ARHGAP8: variants seen among roughly 807,000 people sequenced by gnomAD.
ARHGAP8 encodes Rho GTPase activating protein 8, also known as rho GTPase-activating protein 8.
In ARHGAP8, 62 loss-of-function variants were observed where a neutral mutation model predicts 46.1. The ratio of observed to expected loss-of-function variants is 1.34; its 90% CI spans 1.10 to 1.66. ARHGAP8 has a LOEUF of 1.66. Among genes scored for constraint, ARHGAP8 ranks in the 40% most tolerant of loss-of-function variants. The probability of loss-of-function intolerance (pLI) is 0.00; values close to 1 mark genes in which losing one functional copy is unlikely to be tolerated. For missense variants in ARHGAP8, 923 were observed against 568.4 expected (o/e 1.62, Z -6.34); for synonymous variants, 375 against 243.1 (o/e 1.54, Z -5.05).
intron 7 of ARHGAP8, among the ~76,000 whole-genome samples, chr22:44,833,097 T>TTTTC (rs761765911): frequency 0.011 from 954 of 87,130 alleles, 11 homozygotes; most frequent in African/African-American, 0.033. Context: ...TTTTCTTTTC[T>TTTTC]TTTTTTTTTT....
chr22:44,771,096 T>A (rs551579300), intron 1 of ARHGAP8, among the ~76,000 whole-genome samples: 53 of 152,308 alleles, frequency 3.5e-4, no homozygotes, highest in African/African-American at 1.3e-3. Context: ...ATTTTCAGTT[T>A]GTTCTTTGTT....
At chr22:44,836,086 A>G (rs537281823) in intron 7 of ARHGAP8, among the ~76,000 whole-genome samples, 1 of 152,242 alleles carries the variant, frequency 6.6e-6, no homozygotes, top group Admixed American at 6.5e-5. Flanking sequence ...GCAGTTTCTC[A>G]TTCCCCATCT....
At chr22:44,831,060 AC>A (rs1402270177) in intron 7 of ARHGAP8, among the ~76,000 whole-genome samples, 3 of 152,060 alleles carry the variant, frequency 2.0e-5, no homozygotes, top group African/African-American at 7.2e-5. Flanking sequence ...TATATGCTAG[AC>A]CCTAGGCCCT....
chr22:44,771,103 T>A (rs1322824244), intron 1 of ARHGAP8, among the ~76,000 whole-genome samples: 1 of 152,220 alleles, frequency 6.6e-6, no homozygotes, highest in African/African-American at 2.4e-5. Context: ...GTTTGTTCTT[T>A]GTTGGCATAT....
chr22:44,811,321 G>C (rs913391471), intron 4 of ARHGAP8, among the ~76,000 whole-genome samples: 1 of 152,258 alleles, frequency 6.6e-6, no homozygotes, highest in African/African-American at 2.4e-5. Context: ...GCACCAGCCC[G>C]GGGAAGGAGG....
At chr22:44,767,975 G>A (rs915519354) in intron 1 of ARHGAP8, among the ~76,000 whole-genome samples, 2 of 118,516 alleles carry the variant, frequency 1.7e-5, no homozygotes, top group Admixed American at 9.5e-5. Context: ...TTTCCTCCCC[G>A]CATGATGTCT....
intron 6 of ARHGAP8, 74 bp from the exon 7 acceptor site, chr22:44,825,409 C>T (rs1930436734): frequency 6.7e-7 from 1 of 1,494,562 alleles, no homozygotes. Flanking sequence ...GTGGGGCATC[C>T]AGCCCCACCC....
chr22:44,801,353 C>A (rs1366006143), intron 2 of ARHGAP8, among the ~76,000 whole-genome samples: 1 of 110,554 alleles, frequency 9.0e-6, no homozygotes, highest in African/African-American at 3.8e-5. Flanking sequence ...CCTCTCCCCG[C>A]AGCTGTCTAT....
intron 10 of ARHGAP8, among the ~76,000 whole-genome samples, chr22:44,858,082 T>C (rs1379296650): frequency 6.6e-6 from 1 of 152,230 alleles, no homozygotes; most frequent in Non-Finnish European, 1.5e-5. Context: ...TCCTTGTCCA[T>C]TCAAATGACT....
chr22:44,843,131 C>A (rs1931760692), intron 7 of ARHGAP8, among the ~76,000 whole-genome samples: 1 of 152,212 alleles, frequency 6.6e-6, no homozygotes, highest in Non-Finnish European at 1.5e-5. Context: ...CTCTGGACCC[C>A]TTTTCCTTAT....
chr22:44,817,108 G>C (rs563372034), intron 5 of ARHGAP8, among the ~76,000 whole-genome samples: 1 of 151,172 alleles, frequency 6.6e-6, no homozygotes, highest in Non-Finnish European at 1.5e-5. Context: ...CTGGTCTCAA[G>C]CTCCTGACCT....
At chr22:44,827,327 T>G (rs2147125744) in intron 7 of ARHGAP8, among the ~76,000 whole-genome samples, 1 of 132,090 alleles carries the variant, frequency 7.6e-6, no homozygotes, top group Non-Finnish European at 1.6e-5. Flanking sequence ...ATAATACATT[T>G]GGGTGGTGGT....
chr22:44,780,294 C>G (rs1926747774), intron 1 of ARHGAP8, among the ~76,000 whole-genome samples: 1 of 151,634 alleles, frequency 6.6e-6, no homozygotes, highest in Non-Finnish European at 1.5e-5. Context: ...GAGGCCAAGG[C>G]TGCAGTGAGC....
At chr22:44,803,194 G>A (rs952893097) in intron 3 of ARHGAP8, among the ~76,000 whole-genome samples, 1 of 152,166 alleles carries the variant, frequency 6.6e-6, no homozygotes. Context: ...GGGGCCGAGT[G>A]AGGGGGTGCC....
Position 44,862,733 on chromosome 22 carries a change from G to A in ARHGAP8, c.*138G>A, listed in dbSNP as rs572697659. On this transcript the variant is annotated 3_prime_UTR_variant, in exon 12 of 12. Transcript: ENST00000356099. The stretch of plus-strand genomic sequence containing the variant: ...CTTCTAATGAAAACTCCATGCCTCT[G>A]GTCCTTGGACTCTTGTCCATGGTTC... 264 of 1,077,350 alleles carry A rather than the reference G, an allele frequency of 2.5e-4. No individual in the cohort carries two copies. The highest frequency in any genetic ancestry group is 5.0e-4 in the East Asian group (19 of 38,300). The allele number at this position is 1,077,350 out of a possible 1,614,324, so 66.7% of individuals were successfully genotyped here. A position where few individuals can be genotyped will look rare whatever the true frequency, so the allele number is the denominator to read the frequency against.
At chr22:44,783,010 G>T (rs753671829) in intron 1 of ARHGAP8, among the ~76,000 whole-genome samples, 1 of 151,838 alleles carries the variant, frequency 6.6e-6, no homozygotes. Context: ...GATGGTTCCC[G>T]CAGTGGGCCT....
chr22:44,838,741 G>C (rs917206200), intron 7 of ARHGAP8, among the ~76,000 whole-genome samples: 1 of 152,160 alleles, frequency 6.6e-6, no homozygotes, highest in Non-Finnish European at 1.5e-5. Flanking sequence ...ATGGATGCAG[G>C]CTCTCCAGCT....
At chr22:44,821,911 C>T (rs923036546) in intron 5 of ARHGAP8, among the ~76,000 whole-genome samples, 1 of 137,876 alleles carries the variant, frequency 7.3e-6, no homozygotes, top group African/African-American at 2.5e-5. Context: ...TGGTTCCTCT[C>T]CTTAGAAGAG....
At chr22:44,808,914 C>T (rs1929140222) in intron 4 of ARHGAP8, 1 of 366,118 alleles carries the variant, frequency 2.7e-6, no homozygotes, top group Non-Finnish European at 5.4e-6. Context: ...GCCTCCTGGG[C>T]TCAAGCAGTC....
Sources: gnomAD v4.1 joint callset for allele counts (sites outside exome capture counted in the v4.1 genomes callset) on GRCh38, gnomAD v4.1.1 for gene constraint, MANE v1.5 for transcripts, NCBI Gene and HGNC (gene_info 2026-07-23, HGNC 2026-07-21) for gene names.